SBF2: variants seen among roughly 807,000 people sequenced by gnomAD.
SBF2 encodes the protein SET binding factor 2, also known as myotubularin-related protein 13.
In SBF2, 112 loss-of-function variants were observed where a neutral mutation model predicts 225.2. That is an observed-to-expected ratio of 0.50 (90% confidence interval 0.43 to 0.58). The LOEUF is 0.58. SBF2 is among the 20% of genes least tolerant of loss of function. SBF2 has a pLI of 0.00. For missense variants in SBF2, 1,996 were observed against 2,206.2 expected (o/e 0.90, Z 1.91); for synonymous variants, 763 against 773.3 (o/e 0.99, Z 0.22).
intron 1 of SBF2, among the ~76,000 whole-genome samples, chr11:10,212,817 C>T (rs142736270): frequency 8.5e-5 from 13 of 152,218 alleles, no homozygotes; most frequent in African/African-American, 1.9e-4. Flanking sequence ...TTTGGGATGC[C>T]GAGGCAGGCA....
At chr11:9,964,083 C>A (rs181740704) in intron 14 of SBF2, among the ~76,000 whole-genome samples, 6 of 152,032 alleles carry the variant, frequency 3.9e-5, no homozygotes, top group Admixed American at 1.3e-4. Flanking sequence ...AGACCCTTGT[C>A]TACAAAAAAT....
At chr11:9,927,810 TAC>T (rs1165906182) in intron 16 of SBF2, among the ~76,000 whole-genome samples, 1 of 152,138 alleles carries the variant, frequency 6.6e-6, no homozygotes, top group African/African-American at 2.4e-5. Context: ...AAAAAAACCC[TAC>T]AGCTAATGTC....
chr11:10,093,013 C>T (rs1184588004), intron 2 of SBF2, among the ~76,000 whole-genome samples: 1 of 148,018 alleles, frequency 6.8e-6, no homozygotes. Context: ...ATTTTCTTTT[C>T]CTTCTTTCTT....
chr11:9,996,883 A>G (rs7926141), intron 9 of SBF2, among the ~76,000 whole-genome samples: 1 of 152,076 alleles, frequency 6.6e-6, no homozygotes, highest in African/African-American at 2.4e-5. Flanking sequence ...AAAACATTCA[A>G]CCTACAGGTA....
chr11:10,109,576 T>C (rs541680665), intron 2 of SBF2, among the ~76,000 whole-genome samples: 3 of 152,196 alleles, frequency 2.0e-5, no homozygotes, highest in Non-Finnish European at 2.9e-5. Flanking sequence ...GCACACAACA[T>C]GATATTCTGA....
chr11:9,982,941 A>T (rs372660784), intron 13 of SBF2, among the ~76,000 whole-genome samples: 3 of 152,298 alleles, frequency 2.0e-5, no homozygotes, highest in African/African-American at 7.2e-5. Context: ...CCGGGTCCCA[A>T]AGCAGCCCAT....
intron 1 of SBF2, among the ~76,000 whole-genome samples, chr11:10,268,723 CGGAT>C (rs368108372): frequency 1.8e-3 from 278 of 152,296 alleles, no homozygotes; most frequent in South Asian, 2.1e-3. Flanking sequence ...AGTTTCTCTA[CGGAT>C]AGCATACTGT....
chr11:10,182,232 G>A (rs1956764614), intron 2 of SBF2, among the ~76,000 whole-genome samples: 1 of 152,028 alleles, frequency 6.6e-6, no homozygotes, highest in African/African-American at 2.4e-5. Flanking sequence ...AGATCAAAAT[G>A]GGGGGGTAGG....
intron 16 of SBF2, among the ~76,000 whole-genome samples, chr11:9,902,357 T>C (rs981326048): frequency 5.9e-5 from 9 of 152,196 alleles, no homozygotes; most frequent in African/African-American, 1.2e-4. Context: ...TTTCAATCAG[T>C]AGCCAATCAG....
At chr11:10,065,423 T>C (rs978554672) in intron 2 of SBF2, among the ~76,000 whole-genome samples, 3 of 151,396 alleles carry the variant, frequency 2.0e-5, no homozygotes, top group Non-Finnish European at 4.4e-5. Flanking sequence ...CAGAAATCAA[T>C]AAAATAAAAA....
intron 2 of SBF2, among the ~76,000 whole-genome samples, chr11:10,071,383 C>T (rs1010979333): frequency 6.6e-6 from 1 of 150,496 alleles, no homozygotes; most frequent in African/African-American, 2.4e-5. Context: ...TCTCCTGCTT[C>T]AGCCTCCAGA....
intron 1 of SBF2, among the ~76,000 whole-genome samples, chr11:10,262,838 G>A (rs996637478): frequency 6.6e-6 from 1 of 151,814 alleles, no homozygotes; most frequent in Non-Finnish European, 1.5e-5. Context: ...AAAATAATTG[G>A]TTGATGCTTT....
At position 10,264,691 on chromosome 11, in the gene SBF2, C is replaced by T. The variant is rs559134469; in HGVS notation, c.55+29324G>A. ...CGATGGTTTGCTGCACCTATCAACT[C>T]GTCACCTACATTAGGTATTTCTCCT... On this transcript the variant is annotated intron_variant, in intron 1 of 39. Transcript: ENST00000256190. 5.9e-5 allele frequency among the ~76,000 whole-genome samples: 9 copies of T among 152,218 alleles called. No homozygotes were observed. In the East Asian group the frequency reaches 1.3e-3, roughly 23 times the overall value.
intron 16 of SBF2, among the ~76,000 whole-genome samples, chr11:9,897,782 C>G (rs910057747): frequency 1.3e-5 from 2 of 152,182 alleles, no homozygotes; most frequent in East Asian, 1.9e-4. Context: ...AGTGCAATTC[C>G]TCCACTTTCC....
At chr11:9,839,412 G>A in intron 26 of SBF2, 86 bp downstream of exon 26, 1 of 1,304,152 alleles carries the variant, frequency 7.7e-7, no homozygotes, top group Non-Finnish European at 1.1e-6. Context: ...ATCTATCTCA[G>A]GGCTATGGAT....
At chr11:10,062,038 G>A (rs1950464926) in intron 2 of SBF2, among the ~76,000 whole-genome samples, 2 of 152,070 alleles carry the variant, frequency 1.3e-5, no homozygotes, top group Admixed American at 6.6e-5. Context: ...CCAGAAATAA[G>A]GCCACACATC....
At chr11:9,854,654 T>C (rs1156539239) in intron 19 of SBF2, among the ~76,000 whole-genome samples, 1 of 152,188 alleles carries the variant, frequency 6.6e-6, no homozygotes, top group Non-Finnish European at 1.5e-5. Context: ...ATGCTAGCTG[T>C]AACCTCAAAC....
At chr11:10,153,949 AT>A (rs1023876922) in intron 2 of SBF2, among the ~76,000 whole-genome samples, 2 of 151,828 alleles carry the variant, frequency 1.3e-5, no homozygotes, top group East Asian at 1.9e-4. Flanking sequence ...ATCTTTATAC[AT>A]TTTTTTTAAA....
At chr11:10,283,128 A>T (rs1054962347) in intron 1 of SBF2, among the ~76,000 whole-genome samples, 4 of 152,214 alleles carry the variant, frequency 2.6e-5, no homozygotes, top group African/African-American at 9.6e-5. Context: ...TCTTGAAATA[A>T]GCAATTTATC....
Sources: allele counts gnomAD v4.1 joint callset (sites outside exome capture counted in the v4.1 genomes callset), GRCh38; gene constraint gnomAD v4.1.1; transcripts MANE v1.5; gene names NCBI Gene and HGNC (gene_info 2026-07-23, HGNC 2026-07-21).